The following PRDM1 variants were observed in gnomAD, a reference collection of about 807,000 sequenced individuals.
PRDM1 encodes PR domain zinc finger protein 1.
In PRDM1, 13 loss-of-function variants were observed where a neutral mutation model predicts 62.8. The observed-to-expected ratio is 0.21, with a 90% CI of 0.13 to 0.33. The LOEUF is 0.33. Ranked by LOEUF, PRDM1 falls within the 10% of genes least tolerant of loss-of-function variation. PRDM1 has a pLI of 1.00. For synonymous variants in PRDM1, 396 were observed against 417.6 expected, an observed-to-expected ratio of 0.95 and a Z score of 0.63; for missense variants, 895 against 1,058.8, an observed-to-expected ratio of 0.85 and a Z score of 2.15.
chr6:106,027,947 C>T (rs1430222785), intron 1 of PRDM1, among the ~76,000 whole-genome samples: 5 of 152,158 alleles, frequency 3.3e-5, no homozygotes, highest in Non-Finnish European at 7.3e-5. Context: ...AGTGAATTTA[C>T]CTACTTAAGT....
upstream of PRDM1, chr6:106,046,785 T>G (rs1773085019): frequency 6.6e-6 from 1 of 152,124 alleles, no homozygotes; most frequent in Admixed American, 6.6e-5. Context: ...GCGGCTTGAG[T>G]GGAAAAGTGA....
chr6:106,009,348 T>A (rs1462456320), intron 1 of PRDM1, among the ~76,000 whole-genome samples: 3 of 152,212 alleles, frequency 2.0e-5, no homozygotes, highest in Admixed American at 2.0e-4. Flanking sequence ...GACTTTCGCT[T>A]CCTTTTGGTC....
At chr6:106,095,896 G>A (rs1270529373) in intron 3 of PRDM1, 162 bp downstream of exon 3, 15 of 727,992 alleles carry the variant, frequency 2.1e-5, no homozygotes, top group Middle Eastern at 2.5e-4. Context: ...CAAATGTGAT[G>A]AAACCGATGA....
intron 1 of PRDM1, among the ~76,000 whole-genome samples, chr6:105,993,701 G>A (rs896368130): frequency 2.0e-5 from 3 of 152,214 alleles, no homozygotes; most frequent in African/African-American, 7.2e-5. Flanking sequence ...AAGGGTAGGG[G>A]ACAAAATACA....
At chr6:106,010,509 T>A (rs916307662) in intron 1 of PRDM1, among the ~76,000 whole-genome samples, 1 of 152,316 alleles carries the variant, frequency 6.6e-6, no homozygotes, top group East Asian at 1.9e-4. Context: ...TCTTTAGAAT[T>A]TAATTAAGCA....
At chr6:106,014,830 C>T (rs994399809) in intron 1 of PRDM1, among the ~76,000 whole-genome samples, 1 of 151,912 alleles carries the variant, frequency 6.6e-6, no homozygotes, top group South Asian at 2.1e-4. Flanking sequence ...TTTAAAATAA[C>T]CAAAGCTGTA....
intron 1 of PRDM1, among the ~76,000 whole-genome samples, chr6:105,995,010 C>G (rs2114536824): frequency 6.6e-6 from 1 of 152,304 alleles, no homozygotes; most frequent in South Asian, 2.1e-4. Context: ...GCACGCTGCC[C>G]GACGCCGTCG....
chr6:106,056,331 A>G (rs6929853), intron 1 of PRDM1, among the ~76,000 whole-genome samples: 137,609 of 152,190 alleles, frequency 0.9, 62,321 homozygotes, highest in African/African-American at 0.94. Context: ...TGGCCTTCTC[A>G]TCCCTCACCG....
chr6:106,002,262 C>G (rs566560009), intron 1 of PRDM1, among the ~76,000 whole-genome samples: 1 of 152,260 alleles, frequency 6.6e-6, no homozygotes, highest in East Asian at 1.9e-4. Flanking sequence ...ACCCTTGCTG[C>G]TCTTAAAATG....
At chr6:106,026,200 C>T (rs1035918381) in intron 1 of PRDM1, among the ~76,000 whole-genome samples, 10 of 152,082 alleles carry the variant, frequency 6.6e-5, no homozygotes, top group Middle Eastern at 3.2e-3. Context: ...AGAAAATGGC[C>T]GGGTGCAGTG....
chr6:106,061,056 A>G (rs951952020), intron 1 of PRDM1, among the ~76,000 whole-genome samples: 1 of 152,180 alleles, frequency 6.6e-6, no homozygotes, highest in South Asian at 2.1e-4. Context: ...GAGAACCCCA[A>G]CCTCAATGCC....
chr6:106,095,673 T>G lies in PRDM1; in HGVS notation c.350T>G (p.Ile117Arg), dbSNP rs553128700. 13 of 1,612,060 alleles carry G rather than the reference T, an allele frequency of 8.1e-6. 1 individual carries two copies. The South Asian group carries it at 1.3e-4, about 16-fold the overall frequency. Reference protein sequence around the residue: ...IPKGTRFGPLIGEIYTNDTVP... With the variant: ...IPKGTRFGPLRGEIYTNDTVP... ...AAGGGCACACGTTTTGGACCCCTAA[T>G]AGGTGAAATCTACACCAATGACACA... The change falls in exon 3 of 7, where the codon ATA becomes AGA. Residue 117 changes from isoleucine (I) to arginine (R), a missense_variant. By Grantham distance (97) the Ile-to-Arg change is moderately conservative (BLOSUM62 -3). Transcript: ENST00000369096.
chr6:106,004,040 T>C (rs975596642), intron 1 of PRDM1, among the ~76,000 whole-genome samples: 5 of 152,136 alleles, frequency 3.3e-5, no homozygotes, highest in Non-Finnish European at 5.9e-5. Context: ...TCCCCCACTT[T>C]TCTGAAATCT....
chr6:106,006,016 T>C (rs1250751661), intron 1 of PRDM1, among the ~76,000 whole-genome samples: 1 of 152,252 alleles, frequency 6.6e-6, no homozygotes, highest in Non-Finnish European at 1.5e-5. Flanking sequence ...GAGGCACTTC[T>C]AGCCTTTTCA....
chr6:106,048,099 TG>T (rs546303373), upstream of PRDM1, among the ~76,000 whole-genome samples: 206 of 151,868 alleles, frequency 1.4e-3, 1 homozygote, highest in African/African-American at 4.8e-3. Flanking sequence ...TCTAATAGCA[TG>T]GGCCCTGTGT....
At chr6:106,018,802 G>A (rs904870312) in intron 1 of PRDM1, among the ~76,000 whole-genome samples, 2 of 151,896 alleles carry the variant, frequency 1.3e-5, no homozygotes, top group African/African-American at 2.4e-5. Context: ...AGCTGAGGTG[G>A]TGTTTTCAGG....
intron 2 of PRDM1, among the ~76,000 whole-genome samples, chr6:106,092,102 G>C (rs543664161): frequency 1.6e-5 from 2 of 127,252 alleles, no homozygotes; most frequent in South Asian, 5.3e-4. Flanking sequence ...GTGTGTGTCT[G>C]TTTGCATACT....
intron 1 of PRDM1, among the ~76,000 whole-genome samples, chr6:106,071,251 G>A (rs899419961): frequency 3.3e-5 from 5 of 150,112 alleles, no homozygotes; most frequent in Admixed American, 1.3e-4. Flanking sequence ...CCAGCCAGGG[G>A]GACAGAGTGA....
intron 1 of PRDM1, among the ~76,000 whole-genome samples, chr6:106,079,934 G>A (rs1773666417): frequency 6.6e-6 from 1 of 152,180 alleles, no homozygotes; most frequent in Non-Finnish European, 1.5e-5. Context: ...GGAAGAGATA[G>A]CTCTATAAAG....
Sources: gnomAD v4.1 joint callset for allele counts (sites outside exome capture counted in the v4.1 genomes callset) on GRCh38, gnomAD v4.1.1 for gene constraint, MANE v1.5 for transcripts, NCBI Gene and HGNC (gene_info 2026-07-23, HGNC 2026-07-21) for gene names.